The following RGS7 variants were observed in gnomAD, a reference collection of about 807,000 sequenced individuals.
The protein encoded by RGS7 is regulator of G protein signaling 7.
In RGS7, 27 loss-of-function variants were observed where a neutral mutation model predicts 81.1. The observed-to-expected ratio is 0.33, with a 90% CI of 0.25 to 0.46. The LOEUF is 0.46. Ranked by LOEUF, RGS7 falls within the 20% of genes least tolerant of loss-of-function variation. The pLI is 1.00. For missense variants in RGS7, 396 were observed against 607.4 expected, an observed-to-expected ratio of 0.65 and a Z score of 3.66; for synonymous variants, 208 against 207.7, an observed-to-expected ratio of 1.00 and a Z score of -0.01.
At chr1:240,962,308 T>C (rs1190566619) in intron 4 of RGS7, among the ~76,000 whole-genome samples, 1 of 152,168 alleles carries the variant, frequency 6.6e-6, no homozygotes, top group Non-Finnish European at 1.5e-5. Context: ...TATCTTTCTC[T>C]CCGGCTCCTG....
chr1:241,174,978 C>T (rs912883797), intron 2 of RGS7, among the ~76,000 whole-genome samples: 2 of 136,966 alleles, frequency 1.5e-5, no homozygotes, highest in Middle Eastern at 4.1e-3. Context: ...TCTCGGCTCA[C>T]TACAACCTCC....
At chr1:241,178,997 T>C (rs1198664282) in intron 2 of RGS7, among the ~76,000 whole-genome samples, 1 of 152,246 alleles carries the variant, frequency 6.6e-6, no homozygotes, top group African/African-American at 2.4e-5. Flanking sequence ...TCTTCCATCA[T>C]GGTGCCTGCA....
intron 3 of RGS7, among the ~76,000 whole-genome samples, chr1:241,069,483 A>G (rs1056783392): frequency 3.3e-5 from 5 of 152,200 alleles, no homozygotes; most frequent in African/African-American, 9.6e-5. Context: ...AATCTTCCCT[A>G]TATGTCAATA....
At chr1:241,006,328 T>C (rs548368980) in intron 3 of RGS7, among the ~76,000 whole-genome samples, 2 of 152,322 alleles carry the variant, frequency 1.3e-5, no homozygotes, top group African/African-American at 4.8e-5. Context: ...GAGGAAAAGG[T>C]TTCTGTTTTC....
At chr1:240,932,759 C>T (rs1375052143) in intron 5 of RGS7, among the ~76,000 whole-genome samples, 13 of 150,770 alleles carry the variant, frequency 8.6e-5, no homozygotes, top group Middle Eastern at 3.4e-3. Context: ...CCGCCTGCCT[C>T]GGCCTCCCAA....
chr1:241,027,254 G>C (rs1232700237), intron 3 of RGS7, among the ~76,000 whole-genome samples: 3 of 151,862 alleles, frequency 2.0e-5, no homozygotes, highest in African/African-American at 7.3e-5. Context: ...CATGTGGAGT[G>C]TGGTGGCAGG....
chr1:241,304,627 A>G (rs1013679986), intron 2 of RGS7, among the ~76,000 whole-genome samples: 1 of 152,238 alleles, frequency 6.6e-6, no homozygotes, highest in Non-Finnish European at 1.5e-5. Flanking sequence ...AGAACTGATC[A>G]TACAGGTTTC....
chr1:241,140,714 A>G (rs1026446824), intron 2 of RGS7, among the ~76,000 whole-genome samples: 2 of 152,174 alleles, frequency 1.3e-5, no homozygotes, highest in African/African-American at 4.8e-5. Context: ...CCCAATCTGG[A>G]CAGAGCATCT....
chr1:240,970,436 T>C (rs10926387), intron 4 of RGS7, among the ~76,000 whole-genome samples: 55,426 of 152,136 alleles, frequency 0.36, 10,578 homozygotes, highest in Middle Eastern at 0.43. Context: ...CATTACAGAA[T>C]GCAGTATTTA....
chr1:240,860,201 A>T (rs1661950742), intron 9 of RGS7, among the ~76,000 whole-genome samples: 1 of 152,184 alleles, frequency 6.6e-6, no homozygotes. Flanking sequence ...TATAGATGTC[A>T]GTTAGATCCA....
rs139700090 is a variant in RGS7, at chr1:241,353,374, T to C, written c.78+2325A>G. 3.9e-3 allele frequency among the ~76,000 whole-genome samples: 589 copies of C among 152,368 alleles called. 3 individuals are homozygous for C. The highest frequency in any genetic ancestry group is 0.013 in the African/African-American group (559 of 41,602). ...TAATGGACACACGAAATATGTGATG[T>C]CACGATCTATGTCTACACACAGATA... On this transcript the variant is annotated intron_variant, in intron 2 of 18. Transcript: ENST00000440928.
intron 3 of RGS7, among the ~76,000 whole-genome samples, chr1:241,065,421 C>T (rs1249358441): frequency 6.6e-6 from 1 of 151,768 alleles, no homozygotes; most frequent in Non-Finnish European, 1.5e-5. Flanking sequence ...TATAGAGTAG[C>T]TATATAAAAA....
intron 3 of RGS7, among the ~76,000 whole-genome samples, chr1:241,068,238 G>GTGTGTGTGTGTGTGTGTGTATA: frequency 5.6e-5 from 2 of 35,660 alleles, no homozygotes; most frequent in African/African-American, 9.5e-5. Flanking sequence ...GTGTGTGTGT[G>GTGTGTGTGTGTGTGTGTGTATA]TATATATATA....
At chr1:241,242,732 T>C (rs1176792663) in intron 2 of RGS7, among the ~76,000 whole-genome samples, 2 of 152,216 alleles carry the variant, frequency 1.3e-5, no homozygotes, top group Admixed American at 6.5e-5. Flanking sequence ...TGATCATTAG[T>C]GATGTTGAGG....
chr1:241,122,789 T>C (rs750282371), intron 2 of RGS7, among the ~76,000 whole-genome samples: 8 of 152,178 alleles, frequency 5.3e-5, no homozygotes, highest in Non-Finnish European at 1.0e-4. Context: ...AGACAAAGCC[T>C]ATTTTATAAT....
At chr1:240,967,322 T>C (rs1682469727) in intron 4 of RGS7, among the ~76,000 whole-genome samples, 1 of 152,180 alleles carries the variant, frequency 6.6e-6, no homozygotes, top group South Asian at 2.1e-4. Flanking sequence ...GCCACTGTCC[T>C]GAGACATGAG....
At chr1:240,932,921 T>A (rs1346453832) in intron 5 of RGS7, among the ~76,000 whole-genome samples, 1 of 132,742 alleles carries the variant, frequency 7.5e-6, no homozygotes, top group Non-Finnish European at 1.6e-5. Flanking sequence ...TCTCGCTCTG[T>A]CGCCCAGGCT....
chr1:240,933,209 G>C (rs114513777), intron 5 of RGS7, among the ~76,000 whole-genome samples: 1 of 151,526 alleles, frequency 6.6e-6, no homozygotes, highest in Non-Finnish European at 1.5e-5. Flanking sequence ...TGCTTCTTAC[G>C]GAGTGCATTG....
At chr1:241,087,247 G>C (rs2063502119) in intron 3 of RGS7, among the ~76,000 whole-genome samples, 1 of 152,148 alleles carries the variant, frequency 6.6e-6, no homozygotes, top group African/African-American at 2.4e-5. Context: ...GTAATGCCTA[G>C]GTTCTTGTTC....
Sources: allele counts gnomAD v4.1 joint callset (sites outside exome capture counted in the v4.1 genomes callset), GRCh38; gene constraint gnomAD v4.1.1; transcripts MANE v1.5; gene names NCBI Gene and HGNC (gene_info 2026-07-23, HGNC 2026-07-21).